SPMAP2L: variants seen among roughly 807,000 people sequenced by gnomAD.
SPMAP2L encodes the protein sperm microtubule associated protein 2-like.
the SPMAP2L span, among the ~76,000 whole-genome samples, chr4:56,566,651 T>C: frequency 9.1e-4 from 139 of 151,962 alleles, no homozygotes; most frequent in African/African-American, 3.2e-3. Flanking sequence ...CTTTAATTTA[T>C]ACTACTTAAT....
At chr4:56,573,974 A>T in the SPMAP2L span, among the ~76,000 whole-genome samples, 1 of 152,220 alleles carries the variant, frequency 6.6e-6, no homozygotes, top group Non-Finnish European at 1.5e-5. Context: ...TGTATCTGTG[A>T]ACGTCCTAAA....
chr4:56,613,804 C>A, the SPMAP2L span, among the ~76,000 whole-genome samples: 1 of 152,192 alleles, frequency 6.6e-6, no homozygotes, highest in Non-Finnish European at 1.5e-5. Context: ...AGACATGTGA[C>A]TAGAATTGTA....
the SPMAP2L span, chr4:56,530,881 C>A: frequency 6.5e-7 from 1 of 1,534,824 alleles, no homozygotes; most frequent in Non-Finnish European, 8.7e-7. Context: ...GGAGCAAGAC[C>A]AGAGAGACGA....
chr4:56,610,634 G>A, the SPMAP2L span, among the ~76,000 whole-genome samples: 2 of 152,154 alleles, frequency 1.3e-5, no homozygotes, highest in Admixed American at 6.5e-5. Context: ...CTTCTGTACA[G>A]CAAAAAGAAC....
chr4:56,563,897 T>G, the SPMAP2L span, among the ~76,000 whole-genome samples: 2 of 152,208 alleles, frequency 1.3e-5, no homozygotes, highest in African/African-American at 4.8e-5. Flanking sequence ...AATGGTGTCC[T>G]CATAGAATCA....
chr4:56,577,106 T>C, the SPMAP2L span, among the ~76,000 whole-genome samples: 5 of 152,194 alleles, frequency 3.3e-5, no homozygotes, highest in Admixed American at 1.3e-4. Context: ...TTAAAGTACT[T>C]AAAGCACTGA....
At chr4:56,557,398 G>GAAAC in the SPMAP2L span, among the ~76,000 whole-genome samples, 9 of 152,186 alleles carry the variant, frequency 5.9e-5, no homozygotes, top group Non-Finnish European at 1.3e-4. Context: ...ATCCTATGAG[G>GAAAC]AAACATTCAA....
the SPMAP2L span, among the ~76,000 whole-genome samples, chr4:56,544,281 G>A: frequency 6.6e-6 from 1 of 152,234 alleles, no homozygotes; most frequent in South Asian, 2.1e-4. Flanking sequence ...GAACCACCGT[G>A]CCCGGCCCCA....
the SPMAP2L span, among the ~76,000 whole-genome samples, chr4:56,600,711 C>A: frequency 6.6e-6 from 1 of 152,184 alleles, no homozygotes; most frequent in East Asian, 1.9e-4. Flanking sequence ...AGAACACTGT[C>A]TGGCTCACAG....
the SPMAP2L span, among the ~76,000 whole-genome samples, chr4:56,553,944 A>C: frequency 9.3e-5 from 14 of 150,986 alleles, no homozygotes; most frequent in Non-Finnish European, 1.6e-4. Flanking sequence ...ACAGTACGTA[A>C]TCTCTCAGAT....
chr4:56,618,581 A>G, the SPMAP2L span, among the ~76,000 whole-genome samples: 540 of 152,272 alleles, frequency 3.5e-3, 5 homozygotes, highest in Middle Eastern at 0.01. Context: ...TCATATAACC[A>G]TCAGATCTCG....
At chr4:56,536,323 T>A in the SPMAP2L span, among the ~76,000 whole-genome samples, 2 of 152,242 alleles carry the variant, frequency 1.3e-5, no homozygotes. Flanking sequence ...CACATGGGCA[T>A]CCTTGCTCTG....
the SPMAP2L span, chr4:56,601,223 CA>C: frequency 9.6e-7 from 1 of 1,045,532 alleles, no homozygotes; most frequent in Non-Finnish European, 1.3e-6. Flanking sequence ...AAAGAACTTC[CA>C]AAACATCTTA....
the SPMAP2L span, among the ~76,000 whole-genome samples, chr4:56,581,674 G>A: frequency 4.0e-5 from 6 of 151,600 alleles, no homozygotes; most frequent in East Asian, 1.2e-3. Flanking sequence ...TTGATAAAGT[G>A]ATCCTAAAGT....
At chr4:56,570,254 T>G in the SPMAP2L span, among the ~76,000 whole-genome samples, 1 of 152,236 alleles carries the variant, frequency 6.6e-6, no homozygotes, top group Non-Finnish European at 1.5e-5. Flanking sequence ...GCTGAATAGT[T>G]GATGCCTTCA....
chr4:56,620,797 T>C, the SPMAP2L span, among the ~76,000 whole-genome samples: 1 of 152,216 alleles, frequency 6.6e-6, no homozygotes, highest in Non-Finnish European at 1.5e-5. Context: ...TAATGCAGCA[T>C]GATATAAAAA....
the SPMAP2L span, among the ~76,000 whole-genome samples, chr4:56,580,215 A>G: frequency 2.0e-5 from 3 of 152,214 alleles, no homozygotes; most frequent in Admixed American, 2.0e-4. Context: ...ACATGCAACA[A>G]TTCATACCAA....
chr4:56,559,739 T>C, the SPMAP2L span, among the ~76,000 whole-genome samples: 1 of 152,106 alleles, frequency 6.6e-6, no homozygotes, highest in South Asian at 2.1e-4. Context: ...AGCTAATTTT[T>C]TGTATTTTTA....
At chr4:56,610,147 G>A in the SPMAP2L span, among the ~76,000 whole-genome samples, 1 of 152,086 alleles carries the variant, frequency 6.6e-6, no homozygotes, top group Admixed American at 6.6e-5. Context: ...ACCCAAAGCA[G>A]GACTAAGCAA....
Sources: gnomAD v4.1 joint callset for allele counts (sites outside exome capture counted in the v4.1 genomes callset) on GRCh38, gnomAD v4.1.1 for gene constraint, MANE v1.5 for transcripts, NCBI Gene and HGNC (gene_info 2026-07-23, HGNC 2026-07-21) for gene names.